NDUFV1: variants seen among roughly 807,000 people sequenced by gnomAD.
NDUFV1 encodes the protein NADH:ubiquinone oxidoreductase core subunit V1.
A neutral mutation model predicts 48.7 loss-of-function variants in NDUFV1; 41 were observed. The observed-to-expected ratio is 0.84, with a 90% CI of 0.66 to 1.09. The LOEUF is 1.09. Among genes scored for constraint, NDUFV1 ranks in the 50% least tolerant of loss-of-function variants. The pLI, the probability that NDUFV1 is intolerant of heterozygous loss-of-function variation, is 0.00. For synonymous variants in NDUFV1, 231 were observed against 259.1 expected (o/e 0.89, Z 1.04); for missense variants, 580 against 645.4 (o/e 0.90, Z 1.10).
Position 67,612,001 on chromosome 11 carries a change from G to A in NDUFV1, c.1162+23G>A. ...AGGGTGAGCATCGGGCAGGTTGGGG[G>A]CTTGCTTGCTGTGGCTTCATTTAAC... On this transcript the variant is annotated intron_variant, in intron 8 of 9. Coordinates refer to ENST00000322776, the MANE Select transcript of NDUFV1 (RefSeq NM_007103.4). This position sits in a 1 kb window ranked among gnomAD's most constrained non-coding sequence, Gnocchi z 4.4. 2 of 1,613,732 alleles carry A rather than the reference G, an allele frequency of 1.2e-6. No homozygotes were observed. The highest frequency in any genetic ancestry group is 1.1e-5 in the South Asian group (1 of 91,076).
chr11:67,607,287 C>T, intron 1 of NDUFV1: 1 of 707,280 alleles, frequency 1.4e-6, no homozygotes. Flanking sequence ...GCTGGCTTCC[C>T]TTGTTTTACA....
chr11:67,607,242 C>T, intron 1 of NDUFV1, 166 bp downstream of exon 1: 1 of 804,446 alleles, frequency 1.2e-6, no homozygotes, highest in South Asian at 1.5e-5. Flanking sequence ...GGAACGGGTC[C>T]CAACGCGGGG....
At chr11:67,609,927 G>C (rs943558451) in intron 4 of NDUFV1, 9 of 420,742 alleles carry the variant, frequency 2.1e-5, no homozygotes, top group East Asian at 8.9e-5. Flanking sequence ...TTTAGCAAGA[G>C]AGCGGAATAA....
Position 67,611,877 on chromosome 11 carries a change from A to T in NDUFV1, c.1081-20A>T, listed in dbSNP as rs769770883. 2 of 1,613,630 alleles carry T rather than the reference A, an allele frequency of 1.2e-6. No individual in the cohort carries two copies. Among genetic ancestry groups the T allele is most frequent in the South Asian group, 2.2e-5 (2 of 91,080 alleles). ...TTCTGTCTGGCCGTGGGTGCCTGCT[A>T]ATTGCCCCTCGTCACCCAGACGGAC... On this transcript the variant is annotated intron_variant, in intron 7 of 9. Transcript: ENST00000322776. The surrounding 1 kb of genome is among the most constrained non-coding windows in gnomAD (Gnocchi z 4.2).
At chr11:67,609,737 A>C in intron 4 of NDUFV1, 102 bp downstream of exon 4, 1 of 1,389,412 alleles carries the variant, frequency 7.2e-7, no homozygotes, top group Non-Finnish European at 1.0e-6. Context: ...CTGGTCTGTC[A>C]GTGGTTGAAC....
rs772768383 is a variant in NDUFV1 at position 67,612,235 on chromosome 11, T to C, written c.1278T>C (p.Ala426=). ...SKQIEGHTIC[A]LGDGAAWPVQ... Reference sequence around the variant, plus strand: ...AGATAGAAGGCCATACGATTTGTGCTCTGGGTGACGGGGCCGCCTGGCCTG... The same window carrying C: ...AGATAGAAGGCCATACGATTTGTGCCCTGGGTGACGGGGCCGCCTGGCCTG... Residue 426 remains alanine (A), a synonymous_variant, in exon 9 of 10, where the codon GCT becomes GCC. Transcript: ENST00000322776. This position sits in a 1 kb window ranked among gnomAD's most constrained non-coding sequence, Gnocchi z 4.4. 4.3e-6 allele frequency: 7 copies of C among 1,613,674 alleles called. No individual in the cohort carries two copies. In the African/African-American group the frequency reaches 6.7e-5, roughly 15 times the overall value.
chr11:67,610,997 G>T lies in NDUFV1; in HGVS notation c.703G>T (p.Val235Leu), dbSNP rs1322291273. 1.2e-6 allele frequency: 2 copies of T among 1,614,228 alleles called. No homozygotes were observed. Among genetic ancestry groups the T allele is most frequent in the Admixed American group, 1.7e-5 (1 of 60,034 alleles). Reference protein sequence around the residue: ...LKPPFPADVGVFGCPTTVANV... With the variant: ...LKPPFPADVGLFGCPTTVANV... ...GTTCTCTTCCCATTTCCCTGAAGGA[G>T]TGTTTGGCTGCCCCACAACTGTGGC... The change falls in exon 6 of 10, where the codon GTG becomes TTG. Residue 235 changes from valine (V) to leucine (L), a missense_variant and splice_region_variant. Coordinates refer to ENST00000322776, the MANE Select transcript of NDUFV1 (RefSeq NM_007103.4).
At chr11:67,609,957 C>T (rs1854880994) in intron 4 of NDUFV1, 1 of 365,898 alleles carries the variant, frequency 2.7e-6, no homozygotes, top group African/African-American at 2.1e-5. Context: ...TAAACAATTC[C>T]TATTTGGAGA....
At chr11:67,609,985 T>G (rs750157705) in intron 4 of NDUFV1, 1 of 354,108 alleles carries the variant, frequency 2.8e-6, no homozygotes, top group Non-Finnish European at 5.1e-6. Context: ...TTATGTTCAT[T>G]GCTTGGAACT....
At chr11:67,607,617 G>A (rs1375958420) in intron 1 of NDUFV1, 3 of 383,678 alleles carry the variant, frequency 7.8e-6, no homozygotes, top group Non-Finnish European at 1.6e-5. Context: ...TTCGGCCGAG[G>A]TAGGAATATA....
At position 67,611,877 on chromosome 11, in the gene NDUFV1, A is replaced by G. The variant is rs769770883; in HGVS notation, c.1081-20A>G. 2.1e-5 allele frequency: 34 copies of G among 1,613,512 alleles called. No individual in the cohort carries two copies. Among genetic ancestry groups the G allele is most frequent in the Admixed American group, 5.0e-5 (3 of 59,988 alleles). ...TTCTGTCTGGCCGTGGGTGCCTGCTAATTGCCCCTCGTCACCCAGACGGAC... is the reference window on the plus strand; with the variant it reads ...TTCTGTCTGGCCGTGGGTGCCTGCTGATTGCCCCTCGTCACCCAGACGGAC... On this transcript the variant is annotated intron_variant, in intron 7 of 9. Coordinates refer to ENST00000322776, the MANE Select transcript of NDUFV1 (RefSeq NM_007103.4). The surrounding 1 kb of genome is among the most constrained non-coding windows in gnomAD (Gnocchi z 4.2).
At chr11:67,609,818 C>T in intron 4 of NDUFV1, 183 bp downstream of exon 4, 1 of 607,554 alleles carries the variant, frequency 1.6e-6, no homozygotes, top group East Asian at 2.9e-5. Flanking sequence ...TTCCAGGGCT[C>T]CTAATGCTGC....
At chr11:67,608,173 C>T in intron 1 of NDUFV1, 1 of 580,272 alleles carries the variant, frequency 1.7e-6, no homozygotes, top group East Asian at 2.9e-5. Context: ...TTGCAGTGAG[C>T]TGAGATTACG....
intron 1 of NDUFV1, among the ~76,000 whole-genome samples, chr11:67,607,835 C>T (rs920441752): frequency 6.6e-6 from 1 of 152,236 alleles, no homozygotes; most frequent in Non-Finnish European, 1.5e-5. Context: ...CAGTTTTCTC[C>T]TCTGTGAAAC....
rs1854876084 is a variant in NDUFV1 at position 67,609,617 on chromosome 11, T to G, written c.492T>G (p.Asn164Lys). ...AYIYIRGEFY[N>K]EASNLQVAIR... ...TCTACATCCGAGGGGAATTCTACAA[T>G]GAGGCCTCCAATCTGCAGGTGGGTA... is the stretch of plus-strand genomic sequence containing the variant. Residue 164 changes from asparagine to lysine, a missense_variant, in exon 4 of 10, where the codon AAT (asparagine) becomes AAG (lysine). By Grantham distance (94) the Asn-to-Lys change is moderately conservative. Coordinates refer to ENST00000322776, the MANE Select transcript of NDUFV1 (RefSeq NM_007103.4). The G allele has an allele frequency of 6.2e-7, 1 of 1,605,752 alleles. No individual in the cohort carries two copies. Among genetic ancestry groups the G allele is most frequent in the African/African-American group, 1.3e-5 (1 of 74,910 alleles).
chr11:67,612,119 G>C lies in NDUFV1; in HGVS notation c.1163-1G>C. 2 of 1,613,758 alleles carry C rather than the reference G, an allele frequency of 1.2e-6. No homozygotes were observed. Among genetic ancestry groups the C allele is most frequent in the Non-Finnish European group, 1.7e-6 (2 of 1,179,948 alleles). On this transcript the variant is annotated splice_acceptor_variant, in intron 8 of 9. Coordinates refer to ENST00000322776, the MANE Select transcript of NDUFV1 (RefSeq NM_007103.4). LOFTEE classifies it high-confidence loss of function. This position sits in a 1 kb window ranked among gnomAD's most constrained non-coding sequence, Gnocchi z 4.4. Reference sequence around the variant, plus strand: ...GCCCTCTCTTGTGGCTGTGGCTGCAGGTGTGGACTGGATGAACAAGGTGAT... The same window carrying C: ...GCCCTCTCTTGTGGCTGTGGCTGCACGTGTGGACTGGATGAACAAGGTGAT...
At position 67,612,174 on chromosome 11, in the gene NDUFV1, C is replaced by T. The variant is rs753686111; in HGVS notation, c.1217C>T (p.Pro406Leu). ...CGTTTCGTGAGGGGGGATGCCCGGCCGGCCGAGATCGACTCCCTGTGGGAG... is the reference window on the plus strand; with the variant it reads ...CGTTTCGTGAGGGGGGATGCCCGGCTGGCCGAGATCGACTCCCTGTGGGAG... Reference protein sequence around the residue: ...MARFVRGDARPAEIDSLWEIS... With the variant: ...MARFVRGDARLAEIDSLWEIS... The change falls in exon 9 of 10, where the codon CCG becomes CTG. Residue 406 changes from proline to leucine, a missense_variant. Coordinates refer to ENST00000322776, the MANE Select transcript of NDUFV1 (RefSeq NM_007103.4). This position sits in a 1 kb window ranked among gnomAD's most constrained non-coding sequence, Gnocchi z 4.4. 1.4e-5 allele frequency: 23 copies of T among 1,613,472 alleles called. No homozygotes were observed. The highest frequency in any genetic ancestry group is 2.2e-5 in the South Asian group (2 of 91,066).
In NDUFV1 at chr11:67,611,765, G is replaced by A. The variant is rs965801661; in HGVS notation, c.1081-132G>A. ...CTGGGCAGCACAGGGGGCCCAGGGAGGCTGGAGGAGGCCAGAACGCTGGGT... is the reference window on the plus strand; with the variant it reads ...CTGGGCAGCACAGGGGGCCCAGGGAAGCTGGAGGAGGCCAGAACGCTGGGT... On this transcript the variant is annotated intron_variant, in intron 7 of 9. Coordinates refer to ENST00000322776, the MANE Select transcript of NDUFV1 (RefSeq NM_007103.4). This position sits in a 1 kb window ranked among gnomAD's most constrained non-coding sequence, Gnocchi z 4.2. 2.1e-6 allele frequency: 3 copies of A among 1,398,512 alleles called. No homozygotes were observed. Among genetic ancestry groups the A allele is most frequent in the Non-Finnish European group, 3.0e-6 (3 of 1,007,500 alleles). The allele number at this position is 1,398,512 out of a possible 1,614,324, so 86.6% of individuals were successfully genotyped here. A position where few individuals can be genotyped will look rare whatever the true frequency, so the allele number is the denominator to read the frequency against.
chr11:67,611,882 C>G lies in NDUFV1; in HGVS notation c.1081-15C>G. 2.5e-6 allele frequency: 4 copies of G among 1,613,902 alleles called. No individual in the cohort carries two copies. The highest frequency in any genetic ancestry group is 3.4e-6 in the Non-Finnish European group (4 of 1,179,894). The stretch of plus-strand genomic sequence containing the variant: ...TCTGGCCGTGGGTGCCTGCTAATTG[C>G]CCCTCGTCACCCAGACGGACATCGT... On this transcript the variant is annotated splice_polypyrimidine_tract_variant and intron_variant, in intron 7 of 9. Transcript: ENST00000322776. The surrounding 1 kb of genome is among the most constrained non-coding windows in gnomAD (Gnocchi z 4.2).
Sources: gnomAD v4.1 joint callset for allele counts (sites outside exome capture counted in the v4.1 genomes callset) on GRCh38, gnomAD v4.1.1 for gene constraint, Gnocchi (gnomAD v3.1) non-coding constraint, MANE v1.5 for transcripts, NCBI Gene and HGNC (gene_info 2026-07-23, HGNC 2026-07-21) for gene names.